Variants in PRKACB observed in about 807,000 individuals in gnomAD.
The protein encoded by PRKACB is protein kinase cAMP-activated catalytic subunit beta.
PRKACB carries 16 observed loss-of-function variants against 51.4 expected under a neutral mutation model. The ratio of observed to expected loss-of-function variants is 0.31; its 90% CI spans 0.21 to 0.47. The LOEUF is 0.47. Ranked by LOEUF, PRKACB falls within the 20% of genes least tolerant of loss-of-function variation. The probability of loss-of-function intolerance (pLI) is 1.00; values close to 1 mark genes in which losing one functional copy is unlikely to be tolerated. For missense variants in PRKACB, 309 were observed against 464.5 expected (o/e 0.67, Z 3.08); for synonymous variants, 147 against 154.4 (o/e 0.95, Z 0.35).
At chr1:84,221,035 G>A (rs935943021) in intron 9 of PRKACB, among the ~76,000 whole-genome samples, 1 of 152,016 alleles carries the variant, frequency 6.6e-6, no homozygotes, top group Admixed American at 6.6e-5. Context: ...TTCTTTATAA[G>A]GTTGATAGAA....
intron 1 of PRKACB, among the ~76,000 whole-genome samples, chr1:84,105,367 G>A (rs1649654207): frequency 6.6e-6 from 1 of 151,816 alleles, no homozygotes; most frequent in African/African-American, 2.4e-5. Flanking sequence ...TGACATCGAG[G>A]CACCACGACT....
chr1:84,121,152 C>T, intron 1 of PRKACB, among the ~76,000 whole-genome samples: 1 of 151,898 alleles, frequency 6.6e-6, no homozygotes, highest in East Asian at 1.9e-4. Flanking sequence ...AACAACATGC[C>T]TATTCATTAT....
intron 1 of PRKACB, among the ~76,000 whole-genome samples, chr1:84,168,857 G>A (rs1045184978): frequency 6.6e-5 from 10 of 151,598 alleles, no homozygotes; most frequent in Admixed American, 5.3e-4. Flanking sequence ...AAGTTGAAAA[G>A]TGGCCTCTCT....
intron 1 of PRKACB, among the ~76,000 whole-genome samples, chr1:84,167,711 A>G (rs1043480876): frequency 1.3e-5 from 2 of 151,618 alleles, no homozygotes; most frequent in Non-Finnish European, 3.0e-5. Flanking sequence ...TAAACTAAAT[A>G]TAATTCATTT....
At chr1:84,232,968 T>G (rs1039659273) in intron 9 of PRKACB, among the ~76,000 whole-genome samples, 11 of 152,122 alleles carry the variant, frequency 7.2e-5, no homozygotes, top group Non-Finnish European at 1.0e-4. Flanking sequence ...GATGTTAGCT[T>G]GTTATTTTGC....
chr1:84,097,661 T>G (rs1649028184), intron 1 of PRKACB, among the ~76,000 whole-genome samples: 1 of 151,962 alleles, frequency 6.6e-6, no homozygotes, highest in South Asian at 2.1e-4. Context: ...TTAGTCTAAG[T>G]CCAAAGACCT....
At chr1:84,124,794 T>G (rs1651418037) in intron 1 of PRKACB, among the ~76,000 whole-genome samples, 1 of 152,186 alleles carries the variant, frequency 6.6e-6, no homozygotes, top group African/African-American at 2.4e-5. Flanking sequence ...TCTGGAGATT[T>G]AGTTATGGGA....
chr1:84,143,736 CT>C (rs951736611), upstream of PRKACB, among the ~76,000 whole-genome samples: 2 of 152,022 alleles, frequency 1.3e-5, no homozygotes, highest in African/African-American at 4.8e-5. Context: ...TATGTAGTTC[CT>C]GTATGTATTA....
intron 1 of PRKACB, among the ~76,000 whole-genome samples, chr1:84,162,733 A>G (rs1455490050): frequency 4.0e-5 from 6 of 151,822 alleles, no homozygotes; most frequent in African/African-American, 1.5e-4. Context: ...AATTATTTTC[A>G]TATATGTATA....
intron 1 of PRKACB, among the ~76,000 whole-genome samples, chr1:84,146,628 A>G (rs752924639): frequency 3.9e-5 from 6 of 152,008 alleles, no homozygotes; most frequent in Non-Finnish European, 8.8e-5. Context: ...TCCTGATGAT[A>G]AACACTGAAT....
intron 8 of PRKACB, chr1:84,205,334 ATAT>A: frequency 1.1e-6 from 1 of 922,380 alleles, no homozygotes; most frequent in Non-Finnish European, 1.3e-6. Flanking sequence ...CATTGCAAAA[ATAT>A]TATTGTCTCT....
chr1:84,169,196 A>G (rs1658552693), intron 1 of PRKACB, among the ~76,000 whole-genome samples: 1 of 151,696 alleles, frequency 6.6e-6, no homozygotes, highest in Non-Finnish European at 1.5e-5. Context: ...ACAGTCTCCA[A>G]GAGGTAGAGA....
chr1:84,205,917 A>G (rs903448568), intron 8 of PRKACB, among the ~76,000 whole-genome samples: 9 of 152,188 alleles, frequency 5.9e-5, no homozygotes, highest in African/African-American at 2.2e-4. Flanking sequence ...TGCATTAACT[A>G]TGCCTCATCC....
intron 1 of PRKACB, among the ~76,000 whole-genome samples, chr1:84,102,302 G>A (rs967441568): frequency 3.3e-5 from 5 of 152,136 alleles, no homozygotes; most frequent in East Asian, 1.9e-4. Flanking sequence ...TAGGAGAATC[G>A]CTTGAATCTG....
intron 1 of PRKACB, chr1:84,165,050 T>A: frequency 7.1e-7 from 1 of 1,411,878 alleles, no homozygotes; most frequent in South Asian, 1.3e-5. Flanking sequence ...GCTGTTTATT[T>A]AAAAAATATA....
chr1:84,196,806 T>C (rs1332703307), intron 6 of PRKACB, 64 bp downstream of exon 6: 3 of 1,459,908 alleles, frequency 2.1e-6, no homozygotes, highest in Non-Finnish European at 1.8e-6. Context: ...ATTGTATGTA[T>C]GTAACCCCAA....
intron 1 of PRKACB, among the ~76,000 whole-genome samples, chr1:84,156,659 A>G (rs192309883): frequency 6.6e-6 from 1 of 152,278 alleles, no homozygotes; most frequent in East Asian, 1.9e-4. Flanking sequence ...TGCAACTTGC[A>G]GATATGTTTT....
intron 1 of PRKACB, among the ~76,000 whole-genome samples, chr1:84,137,752 T>A (rs765418483): frequency 1.3e-5 from 2 of 152,186 alleles, no homozygotes; most frequent in Non-Finnish European, 2.9e-5. Flanking sequence ...AGGTTAACAA[T>A]TCTGATATTT....
rs888642068 is a variant in PRKACB at position 84,221,695 on chromosome 1, C to T, written c.1071+7378C>T. ...TTTCTTCATTAGCCCAATAGTCATT[C>T]GGGAGCATATTGTTTCATTTCCATC... On this transcript the variant is annotated intron_variant, in intron 9 of 9. Transcript: ENST00000370685. Among the ~76,000 whole-genome samples, 8 of 151,922 alleles carry T rather than the reference C, an allele frequency of 5.3e-5. No individual in the cohort carries two copies. The South Asian group carries it at 6.2e-4, about 12-fold the overall frequency.
Sources: allele counts gnomAD v4.1 joint callset (sites outside exome capture counted in the v4.1 genomes callset), GRCh38; gene constraint gnomAD v4.1.1; transcripts MANE v1.5; gene names NCBI Gene and HGNC (gene_info 2026-07-23, HGNC 2026-07-21).